The following VGLL3 variants were observed in gnomAD, a reference collection of about 807,000 sequenced individuals.
The protein encoded by VGLL3 is transcription cofactor vestigial-like protein 3.
Under a neutral mutation model 29.2 loss-of-function variants are expected in VGLL3, and 18 were observed. The ratio of observed to expected loss-of-function variants is 0.62; its 90% CI spans 0.43 to 0.91. The LOEUF is 0.91. VGLL3 is among the 40% of genes least tolerant of loss of function. The probability of loss-of-function intolerance (pLI) is 0.00; values close to 1 mark genes in which losing one functional copy is unlikely to be tolerated. For synonymous variants in VGLL3, 180 were observed against 151.8 expected (o/e 1.19, Z -1.36); for missense variants, 440 against 413.2 (o/e 1.06, Z -0.56).
At position 86,942,462 on chromosome 3, in the gene VGLL3, T is replaced by C. The variant is rs1465078399; in HGVS notation, c.*4562A>G. The C allele has an allele frequency of 6.6e-6, 1 of 152,120 alleles. No individual in the cohort carries two copies. The highest frequency in any genetic ancestry group is 1.9e-4 in the East Asian group (1 of 5,198). The allele number at this position is 152,120 out of a possible 1,614,324, so 9.4% of individuals were successfully genotyped here. ...TAAATGGTTGTGTTTTTCCCCCTTT[T>C]AATGCGGAAGATTTTTTCCACCATA... On this transcript the variant is annotated 3_prime_UTR_variant, in exon 4 of 4. Coordinates refer to ENST00000398399, the MANE Select transcript of VGLL3 (RefSeq NM_016206.4).
intron 2 of VGLL3, among the ~76,000 whole-genome samples, chr3:86,970,527 C>T (rs989359814): frequency 8.2e-6 from 1 of 122,002 alleles, no homozygotes; most frequent in Non-Finnish European, 1.9e-5. Flanking sequence ...ACACATATGA[C>T]AGCAGCAGCA....
intron 1 of VGLL3, among the ~76,000 whole-genome samples, chr3:86,985,675 G>A (rs1212985780): frequency 1.3e-5 from 2 of 152,154 alleles, no homozygotes; most frequent in Non-Finnish European, 2.9e-5. Context: ...AAAGAGATGT[G>A]TTTTGAAAGG....
In VGLL3 at chr3:86,969,023, A is replaced by G. The variant is rs1403137986; in HGVS notation, c.504T>C (p.Pro168=). The G allele has an allele frequency of 5.6e-6, 9 of 1,614,052 alleles. No homozygotes were observed. In the East Asian group the frequency reaches 1.1e-4, roughly 20 times the overall value. Residue 168 remains proline (P), a synonymous_variant, in exon 3 of 4, where the codon CCT becomes CCC. Coordinates refer to ENST00000398399, the MANE Select transcript of VGLL3 (RefSeq NM_016206.4). ...CAGGGGGTCCAGTGACCTGGAAGTCAGGATGAACTCCCCCCAAACAAGGTG... is the reference window on the plus strand; with the variant it reads ...CAGGGGGTCCAGTGACCTGGAAGTCGGGATGAACTCCCCCCAAACAAGGTG... ...PPAPCLGGVH[P]DFQVTGPPGT... is the part of the protein sequence containing the mutation.
intron 3 of VGLL3, among the ~76,000 whole-genome samples, chr3:86,958,071 C>T (rs957668112): frequency 2.4e-4 from 36 of 152,202 alleles, no homozygotes; most frequent in Middle Eastern, 3.4e-3. Flanking sequence ...CATATATGTG[C>T]TTTTCTTGAG....
At chr3:86,988,696 AAGG>A (rs1402162816) in intron 1 of VGLL3, among the ~76,000 whole-genome samples, 21 of 20,610 alleles carry the variant, frequency 1.0e-3, no homozygotes, top group Non-Finnish European at 5.8e-4. Context: ...GAAGAAGAAG[AAGG>A]AGAAGAAAAA....
At chr3:86,957,704 T>C (rs1172651792) in intron 3 of VGLL3, among the ~76,000 whole-genome samples, 1 of 152,200 alleles carries the variant, frequency 6.6e-6, no homozygotes, top group African/African-American at 2.4e-5. Context: ...TCTGCAAATA[T>C]TAAAGATGCC....
At chr3:86,949,547 C>T (rs1299020809) in intron 3 of VGLL3, among the ~76,000 whole-genome samples, 1 of 151,262 alleles carries the variant, frequency 6.6e-6, no homozygotes, top group Admixed American at 6.6e-5. Context: ...GCAGGGCTGG[C>T]TGGGCGCGGT....
intron 1 of VGLL3, among the ~76,000 whole-genome samples, chr3:86,980,329 C>T (rs1201025279): frequency 6.6e-6 from 1 of 152,022 alleles, no homozygotes; most frequent in African/African-American, 2.4e-5. Context: ...TGGTCCCTTT[C>T]CCCTAGCAGT....
chr3:86,988,313 C>A (rs892358985), intron 1 of VGLL3, among the ~76,000 whole-genome samples: 2 of 151,892 alleles, frequency 1.3e-5, no homozygotes, highest in Non-Finnish European at 1.5e-5. Context: ...AGGCAAGATG[C>A]TATTAGGGGT....
At chr3:86,973,163 G>A (rs1575873801) in intron 2 of VGLL3, among the ~76,000 whole-genome samples, 1 of 151,950 alleles carries the variant, frequency 6.6e-6, no homozygotes, top group East Asian at 1.9e-4. Context: ...TTTAAAGAAT[G>A]ATACAGCTTA....
At chr3:86,950,499 A>T (rs1704594983) in intron 3 of VGLL3, among the ~76,000 whole-genome samples, 4 of 152,218 alleles carry the variant, frequency 2.6e-5, no homozygotes, top group Admixed American at 2.6e-4. Context: ...TGTTCACATT[A>T]TATGAGTTAT....
chr3:86,978,193 T>G (rs1234764436), intron 2 of VGLL3, among the ~76,000 whole-genome samples: 1 of 152,216 alleles, frequency 6.6e-6, no homozygotes, highest in Non-Finnish European at 1.5e-5. Flanking sequence ...AAAGCTGATT[T>G]AGACACGCCT....
intron 1 of VGLL3, among the ~76,000 whole-genome samples, chr3:86,989,289 T>G (rs1705528948): frequency 6.6e-6 from 1 of 152,200 alleles, no homozygotes; most frequent in Admixed American, 6.6e-5. Flanking sequence ...TCAGAGATGC[T>G]TTGAAATGCT....
intron 2 of VGLL3, among the ~76,000 whole-genome samples, chr3:86,973,439 G>A (rs1705146051): frequency 1.3e-5 from 2 of 152,090 alleles, no homozygotes; most frequent in South Asian, 4.1e-4. Flanking sequence ...AAAAATAAAT[G>A]GCTGGGTCAG....
intron 3 of VGLL3, among the ~76,000 whole-genome samples, chr3:86,949,342 T>C (rs918107848): frequency 3.3e-5 from 5 of 152,146 alleles, no homozygotes; most frequent in Admixed American, 6.6e-5. Context: ...AAAAAGTCAA[T>C]TCCTCTGTGG....
At chr3:86,971,569 A>G (rs1379140896) in intron 2 of VGLL3, among the ~76,000 whole-genome samples, 1 of 152,196 alleles carries the variant, frequency 6.6e-6, no homozygotes, top group African/African-American at 2.4e-5. Flanking sequence ...TTAAAATCAC[A>G]ATCTATCCAA....
chr3:86,955,380 CTTTTTTTT>C (rs67190879), intron 3 of VGLL3, among the ~76,000 whole-genome samples: 2 of 131,708 alleles, frequency 1.5e-5, no homozygotes, highest in African/African-American at 2.9e-5. Flanking sequence ...CTCTCTCTCT[CTTTTTTTT>C]TTTTTTTTTT....
In VGLL3 at chr3:86,942,603, T is replaced by C. The variant is rs1393892881; in HGVS notation, c.*4421A>G. 6.6e-6 allele frequency: 1 copy of C among 152,196 alleles called. No individual in the cohort carries two copies. The highest frequency in any genetic ancestry group is 2.4e-5 in the African/African-American group (1 of 41,470). 9.4% of individuals were successfully genotyped at this position (152,196 alleles called of 1,614,324 possible). ...GATATATAACTAAAAATATAAACTA[T>C]GGTGAATGAATGACACTGTCCTCAT... On this transcript the variant is annotated 3_prime_UTR_variant, in exon 4 of 4. Transcript: ENST00000398399.
intron 3 of VGLL3, among the ~76,000 whole-genome samples, chr3:86,949,689 G>T (rs554420903): frequency 5.9e-5 from 9 of 151,782 alleles, no homozygotes; most frequent in Admixed American, 2.6e-4. Flanking sequence ...AGCCGGGCGT[G>T]ATGGCGGGCG....
Sources: gnomAD v4.1 joint callset for allele counts (sites outside exome capture counted in the v4.1 genomes callset) on GRCh38, gnomAD v4.1.1 for gene constraint, MANE v1.5 for transcripts, NCBI Gene and HGNC (gene_info 2026-07-23, HGNC 2026-07-21) for gene names.